SRPK2: variants seen among roughly 807,000 people sequenced by gnomAD.
SRPK2 encodes SFRS protein kinase 2.
A neutral mutation model predicts 90.8 loss-of-function variants in SRPK2; 21 were observed. That is an observed-to-expected ratio of 0.23 (90% CI 0.16 to 0.33). The LOEUF (loss-of-function observed/expected upper bound fraction) is 0.33, where lower values mean the gene tolerates loss of function less well. Ranked by LOEUF, SRPK2 falls within the 10% of genes least tolerant of loss-of-function variation. SRPK2 has a pLI of 1.00. For missense variants in SRPK2, 620 were observed against 869.0 expected (o/e 0.71, Z 3.60); for synonymous variants, 288 against 311.1 (o/e 0.93, Z 0.78).
chr7:105,301,609 T>G, intron 2 of SRPK2: 1 of 1,607,752 alleles, frequency 6.2e-7, no homozygotes, highest in South Asian at 1.1e-5. Context: ...AAGTTCAGTT[T>G]CTTTTCAATA....
intron 2 of SRPK2, among the ~76,000 whole-genome samples, chr7:105,230,274 T>C (rs1309975129): frequency 2.6e-5 from 4 of 152,000 alleles, no homozygotes; most frequent in African/African-American, 7.2e-5. Flanking sequence ...ACATTTCAGG[T>C]AGAGGGAGCA....
At chr7:105,279,918 C>A (rs777778060) in intron 2 of SRPK2, among the ~76,000 whole-genome samples, 13 of 152,064 alleles carry the variant, frequency 8.5e-5, no homozygotes, top group Non-Finnish European at 1.3e-4. Context: ...CAGCAGGAGG[C>A]CAAGTTTTAA....
chr7:105,220,300 G>A (rs758263103), intron 2 of SRPK2, among the ~76,000 whole-genome samples: 13 of 152,118 alleles, frequency 8.5e-5, no homozygotes, highest in Non-Finnish European at 1.3e-4. Context: ...AGGCGGAGGC[G>A]GGCAGATCAC....
intron 2 of SRPK2, chr7:105,244,824 AG>A (rs1801372974): frequency 2.0e-6 from 2 of 982,302 alleles, no homozygotes; most frequent in Non-Finnish European, 3.3e-6. Flanking sequence ...CAGCACGCCA[AG>A]GAGTTACTGA....
At position 105,133,047 on chromosome 7, in the gene SRPK2, T is replaced by C. The variant is rs761848999; in HGVS notation, c.1601A>G (p.Lys534Arg). Residue 534 changes from lysine (K) to arginine (R), a missense_variant, in exon 12 of 16, where the codon AAA becomes AGA. Transcript: ENST00000393651. ...VNPLDPRNAD[K>R]IRVKIADLGN... is the part of the protein sequence containing the mutation. ...CAGGTCAGCAATTTTTACTCTAATTTTATCTGCATTCCGCGGATCCAGGGG... is the reference window on the plus strand; with the variant it reads ...CAGGTCAGCAATTTTTACTCTAATTCTATCTGCATTCCGCGGATCCAGGGG... The C allele has an allele frequency of 1.2e-6, 2 of 1,614,170 alleles. No individual in the cohort carries two copies. Among genetic ancestry groups the C allele is most frequent in the Middle Eastern group, 1.7e-4 (1 of 6,060 alleles).
chr7:105,301,790 T>C (rs1810583942), intron 2 of SRPK2: 1 of 1,575,976 alleles, frequency 6.3e-7, no homozygotes. Flanking sequence ...CAGTAGAAGC[T>C]AATCTTGGAA....
rs1804574055 is a variant in SRPK2 at position 105,146,032 on chromosome 7, A to G, written c.787+461T>C. On this transcript the variant is annotated intron_variant, in intron 8 of 15. Coordinates refer to ENST00000393651, the MANE Select transcript of SRPK2 (RefSeq NM_182692.3). The stretch of plus-strand genomic sequence containing the variant: ...ATAAAGATATCCCAATACTCAGGTC[A>G]CTTGATCTTCTTCCCCCACCATCAG... Among the ~76,000 whole-genome samples, 4 of 152,214 alleles carry G rather than the reference A, an allele frequency of 2.6e-5. No individual in the cohort carries two copies. The South Asian group carries it at 8.3e-4, about 31-fold the overall frequency.
intron 11 of SRPK2, among the ~76,000 whole-genome samples, chr7:105,140,670 T>A: frequency 6.6e-6 from 1 of 151,516 alleles, no homozygotes; most frequent in East Asian, 2.0e-4. Context: ...TTACTTTCTA[T>A]ATGAAACTTC....
intron 2 of SRPK2, among the ~76,000 whole-genome samples, chr7:105,379,187 G>GAA: frequency 6.6e-6 from 1 of 151,696 alleles, no homozygotes; most frequent in South Asian, 2.1e-4. Context: ...TCAGCCCTCT[G>GAA]AAACTGTGGA....
At chr7:105,222,131 C>G (rs978153036) in intron 2 of SRPK2, among the ~76,000 whole-genome samples, 1 of 152,172 alleles carries the variant, frequency 6.6e-6, no homozygotes, top group Non-Finnish European at 1.5e-5. Context: ...GCATCTTTGT[C>G]TATACCTTAC....
intron 2 of SRPK2, among the ~76,000 whole-genome samples, chr7:105,329,691 T>C (rs1324312943): frequency 1.3e-5 from 2 of 151,906 alleles, no homozygotes; most frequent in Admixed American, 6.6e-5. Context: ...TCAGCATTTT[T>C]CCCCATTTTC....
chr7:105,210,718 C>T (rs1333417417), intron 2 of SRPK2, among the ~76,000 whole-genome samples: 2 of 152,138 alleles, frequency 1.3e-5, no homozygotes, highest in African/African-American at 4.8e-5. Flanking sequence ...GGAGATCACA[C>T]TGGGTGGCCT....
chr7:105,278,282 T>A (rs947676056), intron 2 of SRPK2, among the ~76,000 whole-genome samples: 1 of 145,036 alleles, frequency 6.9e-6, no homozygotes, highest in Non-Finnish European at 1.5e-5. Context: ...GCTACTGCAC[T>A]CCAGCCTGGG....
intron 1 of SRPK2, among the ~76,000 whole-genome samples, chr7:105,396,435 A>C (rs1270686740): frequency 6.6e-6 from 1 of 151,780 alleles, no homozygotes; most frequent in East Asian, 2.0e-4. Context: ...CAGGAGATAG[A>C]GAACATCCTG....
At chr7:105,329,112 A>G (rs1411594429) in intron 2 of SRPK2, among the ~76,000 whole-genome samples, 16 of 152,134 alleles carry the variant, frequency 1.1e-4, no homozygotes, top group Admixed American at 1.0e-3. Context: ...TTACTGATCT[A>G]TAGGGCCAGT....
chr7:105,243,098 C>A (rs1255954541), intron 2 of SRPK2, among the ~76,000 whole-genome samples: 1 of 152,088 alleles, frequency 6.6e-6, no homozygotes, highest in African/African-American at 2.4e-5. Flanking sequence ...AACTCCTGGC[C>A]TCAAGTGATC....
At position 105,322,314 on chromosome 7, in the gene SRPK2, G is replaced by A. The variant is rs755836324; in HGVS notation, c.71+66334C>T. Among the ~76,000 whole-genome samples, 3 of 152,176 alleles carry A rather than the reference G, an allele frequency of 2.0e-5. No homozygotes were observed. The South Asian group carries it at 6.2e-4, about 32-fold the overall frequency. ...TGCCTGGGGTCCTAGTGACTCAGGA[G>A]GCTGAAGCAGGAGAATCGTTTGAAG... is the stretch of plus-strand genomic sequence containing the variant. On this transcript the variant is annotated intron_variant, in intron 2 of 15. Coordinates refer to ENST00000393651, the MANE Select transcript of SRPK2 (RefSeq NM_182692.3).
At chr7:105,157,121 A>C (rs1563002093) in intron 7 of SRPK2, among the ~76,000 whole-genome samples, 1 of 152,198 alleles carries the variant, frequency 6.6e-6, no homozygotes, top group African/African-American at 2.4e-5. Context: ...AAGCCTGTGA[A>C]AAGGTACTAG....
chr7:105,127,825 T>C (rs888666212), intron 13 of SRPK2, among the ~76,000 whole-genome samples: 1 of 152,220 alleles, frequency 6.6e-6, no homozygotes, highest in African/African-American at 2.4e-5. Context: ...TCAAAGAGAA[T>C]GTTTTAAAAG....
Sources: gnomAD v4.1 joint callset for allele counts (sites outside exome capture counted in the v4.1 genomes callset) on GRCh38, gnomAD v4.1.1 for gene constraint, MANE v1.5 for transcripts, NCBI Gene and HGNC (gene_info 2026-07-23, HGNC 2026-07-21) for gene names.